Variants in OPCML observed in about 807,000 individuals in gnomAD.
The protein encoded by OPCML is opioid binding protein/cell adhesion molecule like, also known as opioid-binding protein/cell adhesion molecule.
In OPCML, 13 loss-of-function variants were observed where a neutral mutation model predicts 37.8. That is an observed-to-expected ratio of 0.34 (90% CI 0.22 to 0.55). The LOEUF (loss-of-function observed/expected upper bound fraction) is 0.55. Among genes scored for constraint, OPCML ranks in the 20% least tolerant of loss-of-function variants. OPCML has a pLI of 0.91. For missense variants in OPCML, 341 were observed against 435.6 expected (o/e 0.78, Z 1.93); for synonymous variants, 176 against 168.8 (o/e 1.04, Z -0.33).
At chr11:133,182,018 A>C (rs184846556) in intron 1 of OPCML, among the ~76,000 whole-genome samples, 1 of 151,488 alleles carries the variant, frequency 6.6e-6, no homozygotes, top group Non-Finnish European at 1.5e-5. Context: ...TCCCAAATAC[A>C]TGCTCCTTGG....
At chr11:133,254,395 G>A (rs565409077) in intron 1 of OPCML, among the ~76,000 whole-genome samples, 1 of 152,320 alleles carries the variant, frequency 6.6e-6, no homozygotes, top group East Asian at 1.9e-4. Context: ...TCAGGATAAG[G>A]TGACAAAAGT....
chr11:132,973,018 G>C (rs1268755197), intron 1 of OPCML, among the ~76,000 whole-genome samples: 1 of 152,152 alleles, frequency 6.6e-6, no homozygotes, highest in Non-Finnish European at 1.5e-5. Context: ...TGAGCCTCCA[G>C]CTATCTCCCT....
chr11:132,755,682 A>G (rs1306896380), intron 2 of OPCML, among the ~76,000 whole-genome samples: 2 of 152,186 alleles, frequency 1.3e-5, no homozygotes, highest in African/African-American at 4.8e-5. Flanking sequence ...AGTTAGGTAA[A>G]CTGAGGTATG....
intron 2 of OPCML, among the ~76,000 whole-genome samples, chr11:132,665,987 CTG>C (rs1942199334): frequency 6.6e-6 from 1 of 152,156 alleles, no homozygotes; most frequent in South Asian, 2.1e-4. Flanking sequence ...GGACCAGACA[CTG>C]TGTCAGGCCT....
At chr11:133,478,038 C>T (rs1482385209) in intron 1 of OPCML, among the ~76,000 whole-genome samples, 1 of 152,160 alleles carries the variant, frequency 6.6e-6, no homozygotes, top group Non-Finnish European at 1.5e-5. Flanking sequence ...TGGCTGCTGG[C>T]TTGCGACTAA....
intron 1 of OPCML, among the ~76,000 whole-genome samples, chr11:133,525,076 G>C (rs1405249866): frequency 6.6e-6 from 1 of 152,190 alleles, no homozygotes; most frequent in African/African-American, 2.4e-5. Flanking sequence ...ATAAACAATG[G>C]TCTAGGGAGG....
At chr11:132,950,401 G>A (rs912680957) in intron 1 of OPCML, among the ~76,000 whole-genome samples, 7 of 152,138 alleles carry the variant, frequency 4.6e-5, no homozygotes, top group Admixed American at 1.3e-4. Context: ...GAAGATTTGG[G>A]TAACTAGCTG....
intron 3 of OPCML, among the ~76,000 whole-genome samples, chr11:132,655,457 A>T (rs1371681265): frequency 6.6e-6 from 1 of 152,214 alleles, no homozygotes; most frequent in Non-Finnish European, 1.5e-5. Context: ...GAAGTATCAG[A>T]TGTGACAGTT....
intron 1 of OPCML, among the ~76,000 whole-genome samples, chr11:133,489,030 G>A (rs1304642295): frequency 4.0e-5 from 6 of 151,564 alleles, no homozygotes; most frequent in Non-Finnish European, 8.8e-5. Context: ...ATACCCATAT[G>A]CAGAAGAATG....
intron 1 of OPCML, among the ~76,000 whole-genome samples, chr11:133,241,045 G>A (rs1021369512): frequency 1.3e-5 from 2 of 152,130 alleles, no homozygotes; most frequent in Non-Finnish European, 2.9e-5. Flanking sequence ...CAGAGAAAAC[G>A]CAGCCCTTCC....
chr11:133,415,173 GC>G (rs1476952384), intron 1 of OPCML, among the ~76,000 whole-genome samples: 1 of 152,138 alleles, frequency 6.6e-6, no homozygotes, highest in Non-Finnish European at 1.5e-5. Flanking sequence ...ACTTTGGGAG[GC>G]CGAGGCGGGC....
At chr11:133,147,401 C>T (rs1226025227) in intron 1 of OPCML, among the ~76,000 whole-genome samples, 3 of 152,030 alleles carry the variant, frequency 2.0e-5, no homozygotes, top group Non-Finnish European at 4.4e-5. Context: ...GCAGATCTGG[C>T]ATCTGGGAGG....
intron 2 of OPCML, among the ~76,000 whole-genome samples, chr11:132,812,192 G>A (rs1291938080): frequency 6.6e-6 from 1 of 152,176 alleles, no homozygotes; most frequent in Non-Finnish European, 1.5e-5. Context: ...CCTTCCCTGA[G>A]TGGCCAGGGA....
At chr11:132,617,307 A>T (rs763560246) in intron 3 of OPCML, among the ~76,000 whole-genome samples, 14 of 152,234 alleles carry the variant, frequency 9.2e-5, no homozygotes, top group Admixed American at 2.0e-4. Flanking sequence ...AAACAATTCG[A>T]GGAAATTCTT....
intron 2 of OPCML, among the ~76,000 whole-genome samples, chr11:132,928,982 C>T (rs1406418504): frequency 3.3e-5 from 5 of 150,418 alleles, no homozygotes; most frequent in Non-Finnish European, 7.4e-5. Context: ...ATTCATAGCA[C>T]TAAACACTTA....
In OPCML at chr11:133,042,962, CA is replaced by C. The variant is rs370014307; in HGVS notation, c.62-99953del. On this transcript the variant is annotated intron_variant, in intron 1 of 7. Transcript: ENST00000524381. ...AGCAGAGAAAAGGGTCTCTCACGTA[CA>C]GTTCCACACTGAAAAGATTTCCTGC... 6.1e-3 allele frequency among the ~76,000 whole-genome samples: 925 copies of C among 152,282 alleles called. 10 individuals carry two copies. The highest frequency in any genetic ancestry group is 0.021 in the African/African-American group (863 of 41,544).
At chr11:133,481,327 G>A (rs987834983) in intron 1 of OPCML, among the ~76,000 whole-genome samples, 12 of 152,036 alleles carry the variant, frequency 7.9e-5, no homozygotes, top group Admixed American at 2.6e-4. Context: ...CAGGAGAGAA[G>A]AGTCAAGCCC....
At chr11:132,490,820 GAAA>G (rs531599212) in intron 4 of OPCML, among the ~76,000 whole-genome samples, 1 of 117,918 alleles carries the variant, frequency 8.5e-6, no homozygotes, top group Non-Finnish European at 1.9e-5. Flanking sequence ...CAAAAAAAAA[GAAA>G]AAAAAAAAAA....
At chr11:133,350,824 TCA>T (rs1473995633) in intron 1 of OPCML, among the ~76,000 whole-genome samples, 2 of 152,178 alleles carry the variant, frequency 1.3e-5, no homozygotes, top group Non-Finnish European at 2.9e-5. Flanking sequence ...CTCTGGGAAC[TCA>T]CATCTCAGTG....
Sources: allele counts gnomAD v4.1 joint callset (sites outside exome capture counted in the v4.1 genomes callset), GRCh38; gene constraint gnomAD v4.1.1; transcripts MANE v1.5; gene names NCBI Gene and HGNC (gene_info 2026-07-23, HGNC 2026-07-21).